The following PLCH2 variants were observed in gnomAD, a reference collection of about 807,000 sequenced individuals.
PLCH2 encodes the protein phospholipase C eta 2, also known as 1-phosphatidylinositol 4,5-bisphosphate phosphodiesterase eta-2.
Under a neutral mutation model 134.7 loss-of-function variants are expected in PLCH2, and 98 were observed. The observed-to-expected ratio is 0.73, with a 90% CI of 0.62 to 0.86. PLCH2 has a LOEUF of 0.86. PLCH2 is among the 40% of genes least tolerant of loss of function. The pLI, the probability that PLCH2 is intolerant of heterozygous loss-of-function variation, is 0.00. For synonymous variants in PLCH2, 974 were observed against 827.5 expected, an observed-to-expected ratio of 1.18 and a Z score of -3.04; for missense variants, 1,994 against 1,986.6, an observed-to-expected ratio of 1.00 and a Z score of -0.07.
chr1:2,496,758 C>T, intron 14 of PLCH2, 54 bp downstream of exon 14: 1 of 1,610,338 alleles, frequency 6.2e-7, no homozygotes, highest in Non-Finnish European at 8.5e-7. Flanking sequence ...GTCCCCCATC[C>T]CTGCTATGCT....
intron 1 of PLCH2, among the ~76,000 whole-genome samples, chr1:2,470,130 C>A (rs900851021): frequency 3.9e-5 from 6 of 152,174 alleles, no homozygotes; most frequent in Non-Finnish European, 2.9e-5. Context: ...TCAGACCTGG[C>A]GACCCAGGAA....
At chr1:2,418,711 T>A in the PLCH2 span, among the ~76,000 whole-genome samples, 3 of 152,200 alleles carry the variant, frequency 2.0e-5, no homozygotes, top group Non-Finnish European at 4.4e-5. Context: ...CCTGCCCGCC[T>A]GCCTCCGCAG....
At position 2,438,050 on chromosome 1, in the gene PLCH2, C is replaced by G. The variant is rs139233133; in HGVS notation, c.115+7421C>G. Among the ~76,000 whole-genome samples the G allele has an allele frequency of 5.5e-4, 84 of 152,364 alleles. 1 individual carries two copies. The highest frequency in any genetic ancestry group is 2.0e-3 in the African/African-American group (83 of 41,586). Reference sequence around the variant, plus strand: ...CTACTGCCTCAGCATTAGTAAAGTTCTTGGCAACTTGGTTGTGTGCTGGCT... The same window carrying G: ...CTACTGCCTCAGCATTAGTAAAGTTGTTGGCAACTTGGTTGTGTGCTGGCT... On this transcript the variant is annotated intron_variant, in intron 2 of 3. Coordinates refer to the PLCH2 transcript ENST00000609981.
upstream of PLCH2, among the ~76,000 whole-genome samples, chr1:2,425,221 C>G (rs1387869222): frequency 6.7e-6 from 1 of 150,090 alleles, no homozygotes; most frequent in East Asian, 1.9e-4. Context: ...CATGCACACA[C>G]ACACATATTT....
the PLCH2 span, among the ~76,000 whole-genome samples, chr1:2,417,086 G>T: frequency 1.3e-5 from 2 of 152,222 alleles, no homozygotes; most frequent in Non-Finnish European, 2.9e-5. Flanking sequence ...TCCAAGGCAG[G>T]CACAAGGTGA....
At chr1:2,440,347 G>A (rs1273184916) in intron 2 of PLCH2, among the ~76,000 whole-genome samples, 9 of 152,158 alleles carry the variant, frequency 5.9e-5, no homozygotes, top group Non-Finnish European at 1.2e-4. Flanking sequence ...GGAGCACCCG[G>A]CCATGGTGGT....
intron 2 of PLCH2, among the ~76,000 whole-genome samples, chr1:2,460,079 C>G (rs1028391226): frequency 3.3e-5 from 5 of 152,284 alleles, no homozygotes; most frequent in African/African-American, 1.2e-4. Context: ...CCAGCCCTGC[C>G]CAGGCCCTTT....
chr1:2,483,832 G>T (rs371243710), intron 4 of PLCH2, among the ~76,000 whole-genome samples: 7 of 25,686 alleles, frequency 2.7e-4, no homozygotes, highest in Non-Finnish European at 4.9e-4. Context: ...ACCCCCGTGT[G>T]GGGGTGGCGC....
rs1396567390 is a variant in PLCH2 at position 2,459,635 on chromosome 1, T to TGTGGTCTTCCTTTCCG, written c.116-18834_116-18819dup. ...CTCCTTGCCTGTGGTCCTCCTTGCC[T>TGTGGTCTTCCTTTCCG]GTGGTCTTCCTTTCCGGTGGTCCTC... On this transcript the variant is annotated intron_variant, in intron 2 of 3. Coordinates refer to the PLCH2 transcript ENST00000609981. Among the ~76,000 whole-genome samples, 15 of 11,216 alleles carry TGTGGTCTTCCTTTCCG rather than the reference T, an allele frequency of 1.3e-3. 3 individuals are homozygous for TGTGGTCTTCCTTTCCG. The highest frequency in any genetic ancestry group is 2.5e-3 in the Non-Finnish European group (14 of 5,600). 7.4% of individuals were successfully genotyped at this position (11,216 alleles called of 152,430 possible).
At chr1:2,436,447 CCCTT>C (rs1639397657) in intron 2 of PLCH2, among the ~76,000 whole-genome samples, 1 of 41,144 alleles carries the variant, frequency 2.4e-5, no homozygotes, top group Non-Finnish European at 4.1e-5. Flanking sequence ...CTCCCTTCCT[CCCTT>C]CCTCCCTCCA....
At chr1:2,491,141 ACTCGCAGGG>A in intron 10 of PLCH2, 42 bp from the exon 11 acceptor site, 1 of 1,561,278 alleles carries the variant, frequency 6.4e-7, no homozygotes, top group Admixed American at 1.8e-5. Flanking sequence ...CATTGCCACT[ACTCGCAGGG>A]CTCGGGACAG....
At chr1:2,467,819 C>A (rs1277923776) in intron 1 of PLCH2, among the ~76,000 whole-genome samples, 1 of 152,114 alleles carries the variant, frequency 6.6e-6, no homozygotes, top group Non-Finnish European at 1.5e-5. Flanking sequence ...CCAGCAGGGT[C>A]TCCGGGAGCA....
In PLCH2 at chr1:2,502,285, G is replaced by T; in HGVS notation, c.2835G>T (p.Pro945=). The part of the protein sequence containing the change: ...KSQKPGRRGF[P]ELVLGTRDTG... ...AGAAGCCGGGCCGCAGGGGCTTCCC[G>T]GAGCTGGTCCTGGGTACACGGGACA... Residue 945 remains proline (P), a synonymous_variant, in exon 21 of 22, where the codon CCG becomes CCT. Transcript: ENST00000378486. 6.5e-7 allele frequency: 1 copy of T among 1,538,256 alleles called. No homozygotes were observed.
chr1:2,489,440 C>A (rs1466973303), intron 9 of PLCH2, 62 bp downstream of exon 9: 24 of 1,545,162 alleles, frequency 1.6e-5, no homozygotes, highest in Non-Finnish European at 2.0e-5. Flanking sequence ...GCAGCAGTGC[C>A]CTGCTCCAGA....
rs765802744 is a variant in PLCH2, at chr1:2,487,589, C to T, written c.1115-9C>T. On this transcript the variant is annotated splice_polypyrimidine_tract_variant and intron_variant, in intron 7 of 21. Coordinates refer to ENST00000378486, the MANE Select transcript of PLCH2 (RefSeq NM_014638.4). ...CCCCTGGGGCTGACCAAGGCCTGCC[C>T]GCCTGCAGTGGACTGCTGGGATGGG... The T allele has an allele frequency of 3.7e-5, 59 of 1,609,904 alleles. No homozygotes were observed. Among genetic ancestry groups the T allele is most frequent in the South Asian group, 1.4e-4 (13 of 90,546 alleles).
chr1:2,421,037 C>T (rs528903168), upstream of PLCH2, among the ~76,000 whole-genome samples: 27 of 151,832 alleles, frequency 1.8e-4, no homozygotes, highest in Non-Finnish European at 3.5e-4. Context: ...CTCTGCTTCC[C>T]GGGTTCAATC....
intron 2 of PLCH2, among the ~76,000 whole-genome samples, chr1:2,453,094 A>T (rs12725334): frequency 0.028 from 4,178 of 151,118 alleles, 85 homozygotes; most frequent in Non-Finnish European, 0.04. Flanking sequence ...GGGACTCCTC[A>T]CCACCTCCAC....
chr1:2,479,999 GC>G (rs761348835), intron 3 of PLCH2, 22 bp downstream of exon 3: 1 of 1,598,510 alleles, frequency 6.3e-7, no homozygotes, highest in Non-Finnish European at 8.6e-7. Context: ...CACCTATCGG[GC>G]AATGCAGACC....
upstream of PLCH2, among the ~76,000 whole-genome samples, chr1:2,475,455 C>T (rs1268081644): frequency 6.6e-6 from 1 of 152,216 alleles, no homozygotes; most frequent in East Asian, 1.9e-4. Flanking sequence ...CCACAGCTGC[C>T]CCTGGTGTCC....
Sources: gnomAD v4.1 joint callset for allele counts (sites outside exome capture counted in the v4.1 genomes callset) on GRCh38, gnomAD v4.1.1 for gene constraint, MANE v1.5 for transcripts, NCBI Gene and HGNC (gene_info 2026-07-23, HGNC 2026-07-21) for gene names.